GPM6A: variants seen among roughly 807,000 people sequenced by gnomAD.
The protein encoded by GPM6A is glycoprotein M6A, also known as neuronal membrane glycoprotein M6-a.
Under a neutral mutation model 32.1 loss-of-function variants are expected in GPM6A, and 7 were observed. The ratio of observed to expected loss-of-function variants is 0.22; its 90% CI spans 0.12 to 0.41. GPM6A has a LOEUF of 0.41. Ranked by LOEUF, GPM6A falls within the 10% of genes least tolerant of loss-of-function variation. The probability of loss-of-function intolerance (pLI) is 1.00; values close to 1 mark genes in which losing one functional copy is unlikely to be tolerated. For missense variants in GPM6A, 235 were observed against 347.2 expected, an observed-to-expected ratio of 0.68 and a Z score of 2.57; for synonymous variants, 130 against 123.4, an observed-to-expected ratio of 1.05 and a Z score of -0.35.
chr4:175,927,683 G>A (rs28617182), intron 1 of GPM6A, among the ~76,000 whole-genome samples: 5,257 of 152,282 alleles, frequency 0.035, 326 homozygotes, highest in African/African-American at 0.12. Flanking sequence ...TCAGGCGCTC[G>A]AGACGAGCCT....
chr4:175,924,976 A>G (rs1445776930), intron 1 of GPM6A, among the ~76,000 whole-genome samples: 1 of 152,188 alleles, frequency 6.6e-6, no homozygotes, highest in Non-Finnish European at 1.5e-5. Context: ...AAAGAACATT[A>G]GTTCTTAAGT....
chr4:175,952,029 T>C (rs1469828032), intron 1 of GPM6A, among the ~76,000 whole-genome samples: 1 of 152,264 alleles, frequency 6.6e-6, no homozygotes, highest in South Asian at 2.1e-4. Context: ...TGTGAGTCAA[T>C]TCCTTATGAT....
chr4:175,711,455 T>TATAC (rs68189093), intron 1 of GPM6A, among the ~76,000 whole-genome samples: 3 of 30,690 alleles, frequency 9.8e-5, no homozygotes, highest in African/African-American at 2.1e-4. Context: ...TATATATATA[T>TATAC]ATACACACAC....
chr4:175,859,252 A>C (rs958202038), intron 1 of GPM6A, among the ~76,000 whole-genome samples: 1 of 152,202 alleles, frequency 6.6e-6, no homozygotes, highest in Non-Finnish European at 1.5e-5. Flanking sequence ...CTTTCAATAA[A>C]GCTGTTAAAA....
At chr4:175,920,884 A>T (rs1279490005) in intron 1 of GPM6A, among the ~76,000 whole-genome samples, 1 of 152,130 alleles carries the variant, frequency 6.6e-6, no homozygotes, top group Admixed American at 6.5e-5. Context: ...AAGTCTCTGA[A>T]ATATTATTGC....
At chr4:175,821,399 T>G (rs1461552949) in intron 1 of GPM6A, among the ~76,000 whole-genome samples, 2 of 152,154 alleles carry the variant, frequency 1.3e-5, no homozygotes, top group Non-Finnish European at 2.9e-5. Context: ...AGCAATTAAA[T>G]GTCTAACATA....
intron 6 of GPM6A, among the ~76,000 whole-genome samples, chr4:175,635,443 G>A (rs1489904293): frequency 6.6e-6 from 1 of 151,980 alleles, no homozygotes; most frequent in Admixed American, 6.6e-5. Context: ...ATACCGTTGT[G>A]TCTAACTGAC....
intron 1 of GPM6A, among the ~76,000 whole-genome samples, chr4:175,983,463 T>C (rs1461246484): frequency 1.3e-5 from 2 of 152,224 alleles, no homozygotes; most frequent in Non-Finnish European, 2.9e-5. Flanking sequence ...TTTACTTCTA[T>C]TCCTAGTTAA....
intron 1 of GPM6A, among the ~76,000 whole-genome samples, chr4:175,915,258 C>A (rs1016512586): frequency 6.6e-6 from 1 of 151,250 alleles, no homozygotes; most frequent in African/African-American, 2.4e-5. Context: ...CTATACCAGA[C>A]AGGAGGCTAT....
At chr4:175,928,043 T>TG (rs1738904960) in intron 1 of GPM6A, among the ~76,000 whole-genome samples, 1 of 152,186 alleles carries the variant, frequency 6.6e-6, no homozygotes, top group Non-Finnish European at 1.5e-5. Flanking sequence ...ATTATTCTTA[T>TG]TTTTTAAGGA....
chr4:175,697,407 A>G (rs1411511417), intron 2 of GPM6A, among the ~76,000 whole-genome samples: 1 of 151,930 alleles, frequency 6.6e-6, no homozygotes, highest in East Asian at 1.9e-4. Context: ...AATTTTTCTG[A>G]TGAAAAAAAT....
At chr4:175,786,999 C>T (rs2111265077) in intron 1 of GPM6A, 1 of 234,136 alleles carries the variant, frequency 4.3e-6, no homozygotes, top group East Asian at 8.8e-5. Flanking sequence ...ACGGCATTCC[C>T]TCCCCCAATT....
At position 175,929,294 on chromosome 4, in the gene GPM6A, G is replaced by A. The variant is rs1738948504; in HGVS notation, c.-23+73015C>T. Reference sequence around the variant, plus strand: ...TATATGCCTGATATCACCTATCTCAGTCAAAATATTTTGAAAACTAAGCCT... The same window carrying A: ...TATATGCCTGATATCACCTATCTCAATCAAAATATTTTGAAAACTAAGCCT... On this transcript the variant is annotated intron_variant, in intron 1 of 7. Transcript: ENST00000280187. 2.0e-5 allele frequency among the ~76,000 whole-genome samples: 3 copies of A among 152,110 alleles called. No individual in the cohort carries two copies. In the South Asian group the frequency reaches 6.2e-4, roughly 31 times the overall value.
intron 1 of GPM6A, among the ~76,000 whole-genome samples, chr4:175,945,077 T>A (rs1739546689): frequency 1.3e-5 from 2 of 152,138 alleles, no homozygotes; most frequent in African/African-American, 2.4e-5. Flanking sequence ...GGGTGTTTTT[T>A]AAAAAAAATT....
chr4:175,999,450 C>T (rs746791912), intron 1 of GPM6A, among the ~76,000 whole-genome samples: 10 of 151,762 alleles, frequency 6.6e-5, no homozygotes, highest in Non-Finnish European at 1.3e-4. Flanking sequence ...CTAGAGAAGC[C>T]GAGGACATCA....
chr4:175,906,254 A>G (rs1738128130), intron 1 of GPM6A, among the ~76,000 whole-genome samples: 1 of 152,150 alleles, frequency 6.6e-6, no homozygotes, highest in Non-Finnish European at 1.5e-5. Flanking sequence ...TCAGCATCAG[A>G]TTAGAGGATG....
chr4:175,922,329 A>G (rs1377621526), intron 1 of GPM6A, among the ~76,000 whole-genome samples: 2 of 152,170 alleles, frequency 1.3e-5, no homozygotes, highest in African/African-American at 2.4e-5. Context: ...GATGTCAGCA[A>G]TCAGTCCACA....
At chr4:175,826,767 C>T (rs1735452423) in intron 1 of GPM6A, among the ~76,000 whole-genome samples, 1 of 151,962 alleles carries the variant, frequency 6.6e-6, no homozygotes, top group African/African-American at 2.4e-5. Flanking sequence ...ACCAGCATGC[C>T]CATGTATACC....
intron 1 of GPM6A, among the ~76,000 whole-genome samples, chr4:175,867,095 C>T (rs79481196): frequency 0.043 from 6,599 of 152,182 alleles, 258 homozygotes; most frequent in African/African-American, 0.11. Context: ...TACTTTTTAA[C>T]GGGGATTTTT....
Sources: allele counts gnomAD v4.1 joint callset (sites outside exome capture counted in the v4.1 genomes callset), GRCh38; gene constraint gnomAD v4.1.1; transcripts MANE v1.5; gene names NCBI Gene and HGNC (gene_info 2026-07-23, HGNC 2026-07-21).